Variants in SSH1 observed in about 807,000 individuals in gnomAD.
The protein encoded by SSH1 is protein phosphatase Slingshot homolog 1.
Under a neutral mutation model 79.7 loss-of-function variants are expected in SSH1, and 43 were observed. That is an observed-to-expected ratio of 0.54 (90% CI 0.42 to 0.70). The LOEUF (loss-of-function observed/expected upper bound fraction) is 0.70, where lower values mean the gene tolerates loss of function less well. Ranked by LOEUF, SSH1 falls within the 30% of genes least tolerant of loss-of-function variation. The pLI is 0.00. For missense variants in SSH1, 1,206 were observed against 1,358.8 expected, an observed-to-expected ratio of 0.89 and a Z score of 1.77; for synonymous variants, 599 against 538.3, an observed-to-expected ratio of 1.11 and a Z score of -1.56.
rs1328533972 is a variant in SSH1 at position 108,792,540 on chromosome 12, G to A, written c.1639C>T (p.Pro547Ser). The change falls in exon 14 of 15, where the codon CCT becomes TCT. Residue 547 changes from proline (P) to serine (S), a missense_variant. Pro to Ser is a moderately conservative substitution (Grantham distance 74, BLOSUM62 -1). This residue lies in a region of SSH1 where 709 missense variants were observed against 730.6 expected (regional missense o/e 0.97). Coordinates refer to ENST00000326495, the MANE Select transcript of SSH1 (RefSeq NM_018984.4). ...REALLEEAAP[P>S]AEVHRPARQP... Reference sequence around the variant, plus strand: ...CTGGCCGGCCTGTGCACCTCTGCAGGTGGAGCAGCTTCCTCCAACAGAGCC... The same window carrying A: ...CTGGCCGGCCTGTGCACCTCTGCAGATGGAGCAGCTTCCTCCAACAGAGCC... The A allele has an allele frequency of 1.2e-6, 2 of 1,614,156 alleles. No homozygotes were observed. The highest frequency in any genetic ancestry group is 1.1e-5 in the South Asian group (1 of 91,078).
chr12:108,836,913 A>G (rs1468791053), intron 2 of SSH1: 1 of 533,612 alleles, frequency 1.9e-6, no homozygotes, highest in South Asian at 1.4e-5. Context: ...ACACTCTGCA[A>G]ACTGACAGTA....
At position 108,811,479 on chromosome 12, in the gene SSH1, A is replaced by G. The variant is rs530714729; in HGVS notation, c.402-151T>C. On this transcript the variant is annotated intron_variant, in intron 5 of 14. Coordinates refer to ENST00000326495, the MANE Select transcript of SSH1 (RefSeq NM_018984.4). ...GGAACCGTTCACTGATGAATTCTAG[A>G]AGACACAGGTCTGGGATGGCCCTGT... The G allele has an allele frequency of 9.2e-5, 67 of 729,502 alleles. 1 individual carries two copies. The East Asian group carries it at 1.7e-3, about 18-fold the overall frequency. The allele number at this position is 729,502 out of a possible 1,614,324, so 45.2% of individuals were successfully genotyped here. A position where few individuals can be genotyped will look rare whatever the true frequency, so the allele number is the denominator to read the frequency against.
At chr12:108,819,092 A>G (rs1264491011) in intron 3 of SSH1, among the ~76,000 whole-genome samples, 2 of 151,696 alleles carry the variant, frequency 1.3e-5, no homozygotes, top group Non-Finnish European at 2.9e-5. Flanking sequence ...GGAGGCAGAC[A>G]TTATTTCCAT....
intron 13 of SSH1, among the ~76,000 whole-genome samples, chr12:108,798,325 A>T (rs554819110): frequency 2.6e-5 from 4 of 152,194 alleles, no homozygotes; most frequent in Admixed American, 6.5e-5. Context: ...ACCACACCTG[A>T]CCTCAGTGTT....
chr12:108,801,431 T>C (rs888060595), intron 11 of SSH1, among the ~76,000 whole-genome samples: 6 of 152,130 alleles, frequency 3.9e-5, no homozygotes, highest in Non-Finnish European at 7.3e-5. Context: ...CTCAACTTAA[T>C]CAATACTTTT....
intron 2 of SSH1, among the ~76,000 whole-genome samples, chr12:108,847,263 T>C (rs1336229213): frequency 1.3e-5 from 2 of 152,118 alleles, no homozygotes; most frequent in African/African-American, 4.8e-5. Flanking sequence ...CCCTGTTTTA[T>C]AGGTGGAACA....
intron 1 of SSH1, among the ~76,000 whole-genome samples, chr12:108,854,555 C>A (rs1421495068): frequency 6.6e-6 from 1 of 152,190 alleles, no homozygotes; most frequent in Admixed American, 6.5e-5. Context: ...TCCCCCGTTT[C>A]CCACGCCGGC....
In SSH1 at chr12:108,782,417, T is replaced by G. The variant is rs1234243723; in HGVS notation, c.*5571A>C. ...CAAATCCTTTCCTGGTGGGTAACTT[T>G]TTTTTTTTGGTACACAAAGGACCAC... On this transcript the variant is annotated 3_prime_UTR_variant, in exon 15 of 15. Coordinates refer to ENST00000326495, the MANE Select transcript of SSH1 (RefSeq NM_018984.4). 6.6e-6 allele frequency: 1 copy of G among 152,004 alleles called. No homozygotes were observed. Among genetic ancestry groups the G allele is most frequent in the Non-Finnish European group, 1.5e-5 (1 of 67,978 alleles). 9.4% of individuals were successfully genotyped at this position (152,004 alleles called of 1,614,324 possible).
intron 2 of SSH1, among the ~76,000 whole-genome samples, chr12:108,848,971 A>G (rs1393071176): frequency 2.6e-5 from 4 of 152,136 alleles, no homozygotes; most frequent in South Asian, 4.1e-4. Context: ...AATCCACCCC[A>G]GTGGACTTAG....
At chr12:108,796,522 GTCTT>G (rs1565975351) in intron 13 of SSH1, among the ~76,000 whole-genome samples, 1 of 152,208 alleles carries the variant, frequency 6.6e-6, no homozygotes, top group Non-Finnish European at 1.5e-5. Flanking sequence ...GCCTGTGTCA[GTCTT>G]TCCTTCCTTT....
At chr12:108,800,435 CCT>C (rs2036942040) in intron 12 of SSH1, among the ~76,000 whole-genome samples, 1 of 152,114 alleles carries the variant, frequency 6.6e-6, no homozygotes, top group African/African-American at 2.4e-5. Flanking sequence ...GGGTGGGGCC[CCT>C]GAGTGTCCAC....
intron 9 of SSH1, among the ~76,000 whole-genome samples, chr12:108,805,972 GGT>G (rs1192058730): frequency 6.6e-6 from 1 of 151,954 alleles, no homozygotes; most frequent in Non-Finnish European, 1.5e-5. Flanking sequence ...AGAACAAGGG[GGT>G]GTTATTAAAA....
chr12:108,786,722 C>T lies in SSH1; in HGVS notation c.*1266G>A, dbSNP rs139574053. ...CATTCCTAGCTCACGGGGCCACATGCCATAGTTTGCTGACCCCTGAATTCA... is the reference window on the plus strand; with the variant it reads ...CATTCCTAGCTCACGGGGCCACATGTCATAGTTTGCTGACCCCTGAATTCA... On this transcript the variant is annotated 3_prime_UTR_variant, in exon 15 of 15. Transcript: ENST00000326495. 63 of 152,334 alleles carry T rather than the reference C, an allele frequency of 4.1e-4. No individual in the cohort carries two copies. The highest frequency in any genetic ancestry group is 1.4e-3 in the African/African-American group (57 of 41,566). The allele number at this position is 152,334 out of a possible 1,614,324, so 9.4% of individuals were successfully genotyped here.
intron 11 of SSH1, among the ~76,000 whole-genome samples, chr12:108,801,488 G>A (rs1183786113): frequency 1.3e-5 from 2 of 151,982 alleles, no homozygotes; most frequent in Middle Eastern, 6.8e-3. Context: ...ATCTCAAATA[G>A]GTTTCATAAT....
At chr12:108,808,244 T>G (rs2037388501) in intron 7 of SSH1, among the ~76,000 whole-genome samples, 1 of 152,128 alleles carries the variant, frequency 6.6e-6, no homozygotes, top group Non-Finnish European at 1.5e-5. Context: ...GGCTGAGAAG[T>G]GCAGTTTGTA....
At chr12:108,830,359 C>T (rs931785843) in intron 2 of SSH1, among the ~76,000 whole-genome samples, 1 of 151,948 alleles carries the variant, frequency 6.6e-6, no homozygotes, top group Non-Finnish European at 1.5e-5. Flanking sequence ...AGCTGAGGCA[C>T]GAGAATCACT....
chr12:108,791,399 C>T (rs2036494424), intron 14 of SSH1, among the ~76,000 whole-genome samples: 1 of 152,170 alleles, frequency 6.6e-6, no homozygotes, highest in African/African-American at 2.4e-5. Context: ...TGAGCTACCG[C>T]GTCTGGCCCT....
intron 2 of SSH1, among the ~76,000 whole-genome samples, chr12:108,834,611 C>T (rs527564712): frequency 2.0e-5 from 3 of 152,258 alleles, no homozygotes; most frequent in South Asian, 2.1e-4. Context: ...TCGGCAAAGG[C>T]GGGGGTCCTG....
intron 2 of SSH1, among the ~76,000 whole-genome samples, chr12:108,824,598 TG>T (rs1268014807): frequency 6.6e-6 from 1 of 152,196 alleles, no homozygotes; most frequent in Non-Finnish European, 1.5e-5. Flanking sequence ...AATGAATCTT[TG>T]GCCTTTGTTA....
Sources: gnomAD v4.1 joint callset for allele counts (sites outside exome capture counted in the v4.1 genomes callset) on GRCh38, gnomAD v4.1.1 for gene constraint, gnomAD v4.1.1 regional missense constraint, MANE v1.5 for transcripts, NCBI Gene and HGNC (gene_info 2026-07-23, HGNC 2026-07-21) for gene names.